The following FAIM variants were observed in gnomAD, a reference collection of about 807,000 sequenced individuals.
FAIM encodes the protein Fas apoptotic inhibitory molecule, also known as fas apoptotic inhibitory molecule 1.
FAIM carries 14 observed loss-of-function variants against 21.2 expected under a neutral mutation model. The ratio of observed to expected loss-of-function variants is 0.66; its 90% confidence interval spans 0.44 to 1.03. The LOEUF (loss-of-function observed/expected upper bound fraction) is 1.03, where lower values mean the gene tolerates loss of function less well. FAIM is among the 50% of genes least tolerant of loss of function. FAIM has a pLI of 0.00. For synonymous variants in FAIM, 86 were observed against 80.4 expected (o/e 1.07, Z -0.37); for missense variants, 222 against 247.1 (o/e 0.90, Z 0.68).
Position 138,610,984 on chromosome 3 carries a change from C to A in FAIM, c.-17+2047C>A, listed in dbSNP as rs771121254. On this transcript the variant is annotated intron_variant, in intron 1 of 5. Transcript: ENST00000360570. ...TGCTGCTTCCCTTTATAAGGACACT[C>A]CCACTGTTGTGCTATAATCATCTCT... The A allele has an allele frequency of 1.9e-6, 3 of 1,613,850 alleles. No individual in the cohort carries two copies. In the South Asian group the frequency reaches 3.3e-5, roughly 18 times the overall value.
At chr3:138,612,053 A>G (rs1260018372) in intron 1 of FAIM, among the ~76,000 whole-genome samples, 2 of 145,352 alleles carry the variant, frequency 1.4e-5, no homozygotes, top group Non-Finnish European at 3.0e-5. Context: ...TTTTCTGGGT[A>G]TTTTATATAA....
chr3:138,610,876 G>A (rs150603273), intron 1 of FAIM: 39 of 1,218,700 alleles, frequency 3.2e-5, no homozygotes, highest in Admixed American at 2.6e-4. Context: ...GAGCCATCGC[G>A]CCTGGCCACT....
At chr3:138,609,614 A>ACTCTCTCTCTCT (rs1211208979) in intron 1 of FAIM, among the ~76,000 whole-genome samples, 360 of 25,390 alleles carry the variant, frequency 0.014, 6 homozygotes, top group Middle Eastern at 0.11. Flanking sequence ...CTCTCTCTCG[A>ACTCTCTCTCTCT]CTCTCTCTCT....
At chr3:138,621,268 A>C (rs2042881707) in intron 2 of FAIM, 139 bp from the exon 3 acceptor site, 8 of 807,114 alleles carry the variant, frequency 9.9e-6, no homozygotes, top group Middle Eastern at 3.5e-4. Flanking sequence ...ATGTACTGTG[A>C]GTAGAATTTC....
At chr3:138,628,448 C>T (rs988696215) in intron 4 of FAIM, among the ~76,000 whole-genome samples, 1 of 151,512 alleles carries the variant, frequency 6.6e-6, no homozygotes, top group Non-Finnish European at 1.5e-5. Flanking sequence ...TCACATTCAT[C>T]TGTATGCATC....
rs553337004 is a variant in FAIM, at chr3:138,626,826, AT to A, written c.407-2277del. ...TTACCATTTTGTACCCCCGTTAGCT[AT>A]TTTCCCCAGGTTCTCCAGCAGAACA... is the stretch of plus-strand genomic sequence containing the variant. On this transcript the variant is annotated intron_variant, in intron 4 of 5. Transcript: ENST00000360570. 1.7e-4 allele frequency among the ~76,000 whole-genome samples: 26 copies of A among 152,058 alleles called. No homozygotes were observed. The South Asian group carries it at 2.9e-3, about 17-fold the overall frequency.
chr3:138,622,437 C>T, intron 4 of FAIM, 21 bp downstream of exon 4: 1 of 1,433,926 alleles, frequency 7.0e-7, no homozygotes, highest in Non-Finnish European at 9.4e-7. Context: ...GCTGTTTCCG[C>T]AGAACTTTTT....
chr3:138,621,079 T>A (rs2042879726), intron 2 of FAIM: 1 of 183,694 alleles, frequency 5.4e-6, no homozygotes, highest in Admixed American at 6.2e-5. Flanking sequence ...AAAGACTTTT[T>A]ACTGACCTTT....
In FAIM at chr3:138,621,469, A is replaced by G; in HGVS notation, c.107A>G (p.Asp36Gly). 1 of 1,614,034 alleles carries G rather than the reference A, an allele frequency of 6.2e-7. No homozygotes were observed. Among genetic ancestry groups the G allele is most frequent in the East Asian group, 2.2e-5 (1 of 44,848 alleles). Residue 36 changes from aspartate (D) to glycine (G), a missense_variant, in exon 3 of 6, where the codon GAC (aspartate) becomes GGC (glycine). Coordinates refer to ENST00000360570, the MANE Select transcript of FAIM (RefSeq NM_001033031.2). ...LVAVWDVALS[D>G]GVHKIEFEHG... Reference sequence around the variant, plus strand: ...GCTGTTTGGGATGTTGCTTTAAGTGACGGAGTCCACAAGATCGAATTTGAA... The same window carrying G: ...GCTGTTTGGGATGTTGCTTTAAGTGGCGGAGTCCACAAGATCGAATTTGAA...
In FAIM at chr3:138,622,384, A is replaced by C. The variant is rs2042897299; in HGVS notation, c.374A>C (p.His125Pro). ...AAAACCACCAATACTTGGGTATTAC[A>C]CATGGATGGTGAGAACTTTAGAATT... ...RSKTTNTWVLHMDGENFRIVL... is the reference protein window; with the variant it reads ...RSKTTNTWVLPMDGENFRIVL... Residue 125 changes from histidine (H) to proline (P), a missense_variant, in exon 4 of 6, where the codon CAC becomes CCC. By Grantham distance (77) the His-to-Pro change is moderately conservative. Transcript: ENST00000360570. 1.9e-6 allele frequency: 3 copies of C among 1,609,132 alleles called. No homozygotes were observed. Among genetic ancestry groups the C allele is most frequent in the Non-Finnish European group, 2.5e-6 (3 of 1,178,624 alleles).
At chr3:138,609,844 C>G (rs2042748813) in intron 1 of FAIM, among the ~76,000 whole-genome samples, 1 of 152,052 alleles carries the variant, frequency 6.6e-6, no homozygotes, top group South Asian at 2.1e-4. Context: ...TAGAAAGAAT[C>G]GCACAAGATT....
chr3:138,610,887 T>G, intron 1 of FAIM: 1 of 1,408,944 alleles, frequency 7.1e-7, no homozygotes, highest in East Asian at 2.3e-5. Context: ...CCTGGCCACT[T>G]TCTCCAAAGT....
chr3:138,610,963 G>T, intron 1 of FAIM: 1 of 1,613,354 alleles, frequency 6.2e-7, no homozygotes, highest in East Asian at 2.2e-5. Flanking sequence ...ATCCTATGCT[G>T]CTTCCCTTTA....
At chr3:138,628,558 C>T (rs1276234017) in intron 4 of FAIM, among the ~76,000 whole-genome samples, 2 of 151,986 alleles carry the variant, frequency 1.3e-5, no homozygotes, top group East Asian at 1.9e-4. Flanking sequence ...GGTCTCGGCT[C>T]ACTGCAAGCT....
chr3:138,633,143 C>A lies in FAIM; in HGVS notation c.*64C>A. On this transcript the variant is annotated 3_prime_UTR_variant, in exon 6 of 6. Coordinates refer to ENST00000360570, the MANE Select transcript of FAIM (RefSeq NM_001033031.2). ...AATTACTGTGGTAATTAAATGTGTT[C>A]AGTATGTACTTATCAGTACATTTAG... The A allele has an allele frequency of 1.4e-6, 2 of 1,440,686 alleles. No individual in the cohort carries two copies. The highest frequency in any genetic ancestry group is 1.9e-6 in the Non-Finnish European group (2 of 1,047,384). 89.2% of individuals were successfully genotyped at this position (1,440,686 alleles called of 1,614,324 possible). A position where few individuals can be genotyped will look rare whatever the true frequency, so the allele number is the denominator to read the frequency against.
chr3:138,633,097 A>C lies in FAIM; in HGVS notation c.*18A>C. The C allele has an allele frequency of 2.5e-6, 4 of 1,610,728 alleles. No homozygotes were observed. Among genetic ancestry groups the C allele is most frequent in the Non-Finnish European group, 3.4e-6 (4 of 1,177,842 alleles). The stretch of plus-strand genomic sequence containing the variant: ...CAAGTTAATGAATTTTCATCTTAAG[A>C]AGTAAAGATCAGGACTTTTTAATTA... On this transcript the variant is annotated 3_prime_UTR_variant, in exon 6 of 6. Coordinates refer to ENST00000360570, the MANE Select transcript of FAIM (RefSeq NM_001033031.2).
intron 2 of FAIM, 127 bp from the exon 3 acceptor site, chr3:138,621,280 T>C (rs1468049811): frequency 1.1e-6 from 1 of 943,866 alleles, no homozygotes. Flanking sequence ...TAGAATTTCT[T>C]AGGTACTGTC....
intron 1 of FAIM, chr3:138,610,684 G>A: frequency 3.7e-6 from 1 of 268,524 alleles, no homozygotes; most frequent in Non-Finnish European, 7.1e-6. Flanking sequence ...CCGGGTTCAA[G>A]CGATTCTTGT....
At chr3:138,609,646 G>C in intron 1 of FAIM, among the ~76,000 whole-genome samples, 1 of 125,010 alleles carries the variant, frequency 8.0e-6, no homozygotes, top group African/African-American at 3.1e-5. Context: ...TCTCTCGACT[G>C]TACATTCCTG....
Sources: gnomAD v4.1 joint callset for allele counts (sites outside exome capture counted in the v4.1 genomes callset) on GRCh38, gnomAD v4.1.1 for gene constraint, MANE v1.5 for transcripts, NCBI Gene and HGNC (gene_info 2026-07-23, HGNC 2026-07-21) for gene names.